The following GCA variants were observed in gnomAD, a reference collection of about 807,000 sequenced individuals.
GCA encodes grancalcin, EF-hand calcium-binding protein.
In GCA, 30 loss-of-function variants were observed where a neutral mutation model predicts 32.6. That is an observed-to-expected ratio of 0.92 (90% CI 0.69 to 1.25). GCA has a LOEUF of 1.25. Among genes scored for constraint, GCA ranks in the 50% most tolerant of loss-of-function variants. The probability of loss-of-function intolerance (pLI) is 0.00; values close to 1 mark genes in which losing one functional copy is unlikely to be tolerated. For missense variants in GCA, 291 were observed against 266.8 expected, an observed-to-expected ratio of 1.09 and a Z score of -0.63; for synonymous variants, 102 against 84.6, an observed-to-expected ratio of 1.21 and a Z score of -1.13.
chr2:162,335,943 A>G (rs1023285201), intron 1 of GCA, among the ~76,000 whole-genome samples: 2 of 152,242 alleles, frequency 1.3e-5, no homozygotes, highest in Non-Finnish European at 2.9e-5. Context: ...AGTATTAACA[A>G]AGTTAAAAAA....
chr2:162,319,135 A>T, exon 1 of GCA: 2 of 456,718 alleles, frequency 4.4e-6, no homozygotes, highest in South Asian at 3.1e-5. Context: ...CTTTGCAGAG[A>T]TGTGGAGAAG....
chr2:162,371,610 C>T, downstream of GCA: 1 of 816,374 alleles, frequency 1.2e-6, no homozygotes, highest in Non-Finnish European at 1.8e-6. Flanking sequence ...CCGTGAGATG[C>T]TGGCAGTTTT....
In GCA at chr2:162,359,489, T is replaced by C; in HGVS notation, c.569-5T>C. 6.9e-7 allele frequency: 1 copy of C among 1,440,244 alleles called. No homozygotes were observed. Among genetic ancestry groups the C allele is most frequent in the Non-Finnish European group, 9.7e-7 (1 of 1,035,966 alleles). 89.2% of individuals were successfully genotyped at this position (1,440,244 alleles called of 1,614,324 possible). A position where few individuals can be genotyped will look rare whatever the true frequency, so the allele number is the denominator to read the frequency against. On this transcript the variant is annotated splice_polypyrimidine_tract_variant and splice_region_variant and intron_variant, in intron 6 of 7. Coordinates refer to ENST00000437150, the MANE Select transcript of GCA (RefSeq NM_012198.5). ...ACAATAAAAAAGTAATTTCTTTGTT[T>C]AAAGATTTCTTTAGGAAAAGAGACC... is the stretch of plus-strand genomic sequence containing the variant.
At chr2:162,354,896 A>G (rs1685189072) in intron 3 of GCA, among the ~76,000 whole-genome samples, 1 of 151,808 alleles carries the variant, frequency 6.6e-6, no homozygotes, top group Non-Finnish European at 1.5e-5. Flanking sequence ...CTGTCTCTCC[A>G]CTCTTTGTCC....
chr2:162,349,305 G>T (rs898240309), intron 2 of GCA, among the ~76,000 whole-genome samples: 1 of 151,474 alleles, frequency 6.6e-6, no homozygotes, highest in Admixed American at 6.6e-5. Context: ...ATGAATTCCA[G>T]ATATATTAAA....
intron 3 of GCA, among the ~76,000 whole-genome samples, chr2:162,353,436 C>G (rs974527692): frequency 6.6e-6 from 1 of 152,144 alleles, no homozygotes; most frequent in Admixed American, 6.5e-5. Context: ...CCACTGCACT[C>G]CAGCCTGGTG....
Position 162,361,094 on chromosome 2 carries a change from A to G in GCA, c.*851A>G. ...TGTAATGTCAACTCTTTATAAACTT[A>G]AAAATAAACAAGTAATTAACCACTC... On this transcript the variant is annotated 3_prime_UTR_variant, in exon 8 of 8. Coordinates refer to ENST00000437150, the MANE Select transcript of GCA (RefSeq NM_012198.5). 1.1e-6 allele frequency: 1 copy of G among 947,584 alleles called. No homozygotes were observed. Among genetic ancestry groups the G allele is most frequent in the Non-Finnish European group, 1.3e-6 (1 of 791,764 alleles). 58.7% of individuals were successfully genotyped at this position (947,584 alleles called of 1,614,324 possible).
chr2:162,325,960 A>G (rs1328105313), intron 1 of GCA, among the ~76,000 whole-genome samples: 2 of 152,166 alleles, frequency 1.3e-5, no homozygotes, highest in Non-Finnish European at 2.9e-5. Context: ...AGGCAAGAGT[A>G]AGACGGGTTT....
chr2:162,357,012 G>A (rs1057483329), intron 5 of GCA, 107 bp downstream of exon 5: 1 of 726,974 alleles, frequency 1.4e-6, no homozygotes, highest in Non-Finnish European at 2.1e-6. Context: ...GTATTTTTTT[G>A]CCAGCAAGTT....
intron 3 of GCA, among the ~76,000 whole-genome samples, chr2:162,352,769 T>G (rs1685067353): frequency 6.6e-6 from 1 of 152,148 alleles, no homozygotes; most frequent in South Asian, 2.1e-4. Flanking sequence ...CCTTAAACTC[T>G]CCCCTGTCTC....
chr2:162,323,137 T>C (rs1404895671), intron 1 of GCA, among the ~76,000 whole-genome samples: 1 of 151,874 alleles, frequency 6.6e-6, no homozygotes, highest in Non-Finnish European at 1.5e-5. Flanking sequence ...GTGGTTTTGA[T>C]TTGCATTTCT....
chr2:162,367,931 G>T (rs1413366074), downstream of GCA, among the ~76,000 whole-genome samples: 5 of 151,956 alleles, frequency 3.3e-5, no homozygotes, highest in African/African-American at 9.7e-5. Context: ...CTTGCTCAAG[G>T]TCACACAGCT....
chr2:162,337,535 C>A (rs1010938524), intron 1 of GCA, among the ~76,000 whole-genome samples: 3 of 152,116 alleles, frequency 2.0e-5, no homozygotes, highest in Non-Finnish European at 4.4e-5. Context: ...GAAGTGGCAG[C>A]AGCAGCAACT....
At chr2:162,352,306 C>A in intron 2 of GCA, 32 bp from the exon 3 acceptor site, 2 of 1,277,304 alleles carry the variant, frequency 1.6e-6, no homozygotes, top group Non-Finnish European at 2.3e-6. Flanking sequence ...TACAACTGCA[C>A]ATTAAATTAG....
chr2:162,347,599 G>A lies in GCA; in HGVS notation c.49G>A (p.Val17Met). The A allele has an allele frequency of 6.2e-7, 1 of 1,606,020 alleles. No individual in the cohort carries two copies. The highest frequency in any genetic ancestry group is 8.5e-7 in the Non-Finnish European group (1 of 1,174,902). The change falls in exon 2 of 8, where the codon GTG (valine) becomes ATG (methionine). Residue 17 changes from valine (V) to methionine (M), a missense_variant. Physicochemically the swap from Val to Met is conservative, Grantham distance 21. Coordinates refer to ENST00000437150, the MANE Select transcript of GCA (RefSeq NM_012198.5). Reference sequence around the variant, plus strand: ...ATAGTTTGGAAATTTTAGCATTCAGGTGCCAGGAATGCAGATGGGACAGCC... The same window carrying A: ...ATAGTTTGGAAATTTTAGCATTCAGATGCCAGGAATGCAGATGGGACAGCC... ...GGGFGNFSIQ[V>M]PGMQMGQPVP...
At chr2:162,355,538 GTTTTC>G (rs1685221818) in intron 3 of GCA, among the ~76,000 whole-genome samples, 1 of 151,918 alleles carries the variant, frequency 6.6e-6, no homozygotes, top group African/African-American at 2.4e-5. Context: ...CTAACGTGAT[GTTTTC>G]TTTATCAGGG....
intron 1 of GCA, among the ~76,000 whole-genome samples, chr2:162,324,833 G>A (rs191663764): frequency 1.5e-4 from 23 of 152,224 alleles, no homozygotes; most frequent in Non-Finnish European, 2.1e-4. Flanking sequence ...GAATATGGAC[G>A]ATGACCGGTT....
chr2:162,339,729 G>C (rs1419230695), upstream of GCA, among the ~76,000 whole-genome samples: 1 of 152,204 alleles, frequency 6.6e-6, no homozygotes, highest in Non-Finnish European at 1.5e-5. Flanking sequence ...TGAGGACACA[G>C]GGAGAAGGCA....
In GCA at chr2:162,345,093, A is replaced by ATGGTGGTGGTGGTGGTGGTGGTGGTGG. The variant is rs377413955; in HGVS notation, c.27+835_27+861dup. Among the ~76,000 whole-genome samples the ATGGTGGTGGTGGTGGTGGTGGTGGTGG allele has an allele frequency of 1.2e-3, 134 of 109,398 alleles. 3 individuals are homozygous for ATGGTGGTGGTGGTGGTGGTGGTGGTGG. The highest frequency in any genetic ancestry group is 4.6e-3 in the East Asian group (17 of 3,708). The allele number at this position is 109,398 out of a possible 152,430, so 71.8% of individuals were successfully genotyped here. A position where few individuals can be genotyped will look rare whatever the true frequency, so the allele number is the denominator to read the frequency against. On this transcript the variant is annotated intron_variant, in intron 1 of 7. Transcript: ENST00000437150. The stretch of plus-strand genomic sequence containing the variant: ...GAGTTACTCCTACCCCTTGGAGTTC[A>ATGGTGGTGGTGGTGGTGGTGGTGGTGG]TGGTGGTGGTGGTGGTGGTGGTGGT...
Sources: allele counts gnomAD v4.1 joint callset (sites outside exome capture counted in the v4.1 genomes callset), GRCh38; gene constraint gnomAD v4.1.1; transcripts MANE v1.5; gene names NCBI Gene and HGNC (gene_info 2026-07-23, HGNC 2026-07-21).